LMO7: variants seen among roughly 807,000 people sequenced by gnomAD.
LMO7 encodes the protein LIM domain 7.
In LMO7, 120 loss-of-function variants were observed where a neutral mutation model predicts 206.5. The ratio of observed to expected loss-of-function variants is 0.58; its 90% CI spans 0.50 to 0.68. LMO7 has a LOEUF of 0.68. LMO7 is among the 30% of genes least tolerant of loss of function. LMO7 has a pLI of 0.00. For synonymous variants in LMO7, 706 were observed against 681.5 expected, an observed-to-expected ratio of 1.04 and a Z score of -0.56; for missense variants, 1,959 against 1,957.9, an observed-to-expected ratio of 1.00 and a Z score of -0.01.
rs115573717 is a variant in LMO7 at position 75,833,602 on chromosome 13, A to G, written c.3064+437A>G. Among the ~76,000 whole-genome samples the G allele has an allele frequency of 6.9e-3, 1,058 of 152,260 alleles. 16 individuals are homozygous for G. The highest frequency in any genetic ancestry group is 0.025 in the African/African-American group (1,024 of 41,550). ...TTCAGGGTGCTTCAGGACTTCTGCA[A>G]AAGGATTACCCCTCCCCTGTCCAGG... On this transcript the variant is annotated intron_variant, in intron 16 of 30. Transcript: ENST00000377534.
intron 1 of LMO7, among the ~76,000 whole-genome samples, chr13:75,669,562 T>C (rs9593116): frequency 0.012 from 1,805 of 152,224 alleles, 39 homozygotes; most frequent in African/African-American, 0.041. Context: ...GATTGCATGA[T>C]AGAGGGGAAT....
At chr13:75,800,602 C>A in intron 6 of LMO7, 82 bp from the exon 7 acceptor site, 1 of 1,297,006 alleles carries the variant, frequency 7.7e-7, no homozygotes, top group Non-Finnish European at 1.1e-6. Context: ...TTAAATTAGG[C>A]AAACAAGCAA....
intron 1 of LMO7, among the ~76,000 whole-genome samples, chr13:75,669,972 G>A (rs1334783940): frequency 6.6e-6 from 1 of 152,114 alleles, no homozygotes; most frequent in African/African-American, 2.4e-5. Flanking sequence ...TTACAGCTAT[G>A]CCTGCTTATT....
At chr13:75,622,005 C>A (rs1263623850) in intron 1 of LMO7, 5 of 496,776 alleles carry the variant, frequency 1.0e-5, no homozygotes, top group Non-Finnish European at 1.7e-5. Flanking sequence ...AATACTGCAA[C>A]TGAGATAAAA....
intron 3 of LMO7, among the ~76,000 whole-genome samples, chr13:75,754,461 A>G (rs755998179): frequency 1.3e-5 from 2 of 152,246 alleles, no homozygotes; most frequent in Non-Finnish European, 2.9e-5. Flanking sequence ...ACATGCATGT[A>G]CATGTAATGT....
chr13:75,742,108 A>T (rs1223856653), intron 3 of LMO7, among the ~76,000 whole-genome samples: 1 of 152,180 alleles, frequency 6.6e-6, no homozygotes, highest in Non-Finnish European at 1.5e-5. Context: ...CAAATTAGGA[A>T]CACAGTCCCA....
At chr13:75,629,777 T>C (rs2034671669) in intron 2 of LMO7, among the ~76,000 whole-genome samples, 1 of 152,170 alleles carries the variant, frequency 6.6e-6, no homozygotes, top group Non-Finnish European at 1.5e-5. Flanking sequence ...TGAGCGCTAA[T>C]GAGAGACTTA....
At chr13:75,821,151 G>T (rs979523897) in intron 13 of LMO7, 26 bp from the exon 14 acceptor site, 3 of 1,549,570 alleles carry the variant, frequency 1.9e-6, no homozygotes, top group Non-Finnish European at 2.6e-6. Context: ...TGTCTTTGTG[G>T]TGATGGTGCA....
At chr13:75,755,751 T>C (rs1358654116) in intron 3 of LMO7, among the ~76,000 whole-genome samples, 1 of 152,218 alleles carries the variant, frequency 6.6e-6, no homozygotes, top group East Asian at 1.9e-4. Flanking sequence ...GCTTCCAAAA[T>C]GGTCCCAGTG....
At chr13:75,713,336 G>T in intron 2 of LMO7, 84 bp downstream of exon 2, 1 of 874,322 alleles carries the variant, frequency 1.1e-6, no homozygotes, top group Non-Finnish European at 1.8e-6. Flanking sequence ...CTCCTCCCAT[G>T]GCCACCGTAG....
At chr13:75,805,963 CAT>C in intron 9 of LMO7, 3 of 1,122,426 alleles carry the variant, frequency 2.7e-6, no homozygotes, top group Non-Finnish European at 3.6e-6. Context: ...CTGTTCTATA[CAT>C]AGTCATAGCA....
intron 22 of LMO7, 133 bp from the exon 23 acceptor site, chr13:75,840,976 G>A: frequency 1.6e-6 from 1 of 625,774 alleles, no homozygotes. Context: ...AAATCTGATT[G>A]GCTTATGAAA....
At chr13:75,855,200 A>G (rs578156450) in intron 28 of LMO7, 60 bp from the exon 29 acceptor site, 93 of 984,238 alleles carry the variant, frequency 9.4e-5, no homozygotes, top group Admixed American at 1.7e-4. Context: ...TGTGACTTTT[A>G]AAGAAGAATC....
At chr13:75,737,821 T>A (rs1369284426) in intron 3 of LMO7, among the ~76,000 whole-genome samples, 92 of 25,872 alleles carry the variant, frequency 3.6e-3, no homozygotes, top group African/African-American at 4.4e-3. Flanking sequence ...TTGAAATAAA[T>A]ATAGATTCAC....
chr13:75,759,706 T>C (rs1029621886), intron 3 of LMO7, among the ~76,000 whole-genome samples: 1 of 152,214 alleles, frequency 6.6e-6, no homozygotes, highest in African/African-American at 2.4e-5. Flanking sequence ...CTTTCCTTAG[T>C]AATCAGTGGC....
At chr13:75,783,548 C>T (rs2051900255) in intron 4 of LMO7, among the ~76,000 whole-genome samples, 1 of 152,188 alleles carries the variant, frequency 6.6e-6, no homozygotes, top group South Asian at 2.1e-4. Flanking sequence ...GTCTGGAACT[C>T]CTGACCTCAA....
intron 2 of LMO7, chr13:75,627,315 G>A (rs1228630377): frequency 6.6e-6 from 1 of 152,170 alleles, no homozygotes; most frequent in Non-Finnish European, 1.5e-5. Context: ...TTGCCCAACT[G>A]TAGGCTAATG....
intron 3 of LMO7, 106 bp downstream of exon 3, chr13:75,727,204 T>C (rs995391705): frequency 4.7e-5 from 30 of 640,676 alleles, no homozygotes; most frequent in Non-Finnish European, 6.0e-5. Context: ...AATTAGGTTA[T>C]GGTTTTTTTG....
In LMO7 at chr13:75,760,955, A is replaced by G. The variant is rs750916822; in HGVS notation, c.234A>G (p.Lys78=). 2 of 1,613,472 alleles carry G rather than the reference A, an allele frequency of 1.2e-6. No individual in the cohort carries two copies. The highest frequency in any genetic ancestry group is 2.7e-5 in the African/African-American group (2 of 74,900). ...AGLDNINVFL[K]ACEQIGLKEA... is the part of the protein sequence containing the mutation. ...AGGATAATATAAACGTTTTCTTGAAAGCTTGTGAACAGATTGGATTGAAAG... is the reference window on the plus strand; with the variant it reads ...AGGATAATATAAACGTTTTCTTGAAGGCTTGTGAACAGATTGGATTGAAAG... Residue 78 remains lysine, a synonymous_variant, in exon 4 of 31, where the codon AAA becomes AAG. Transcript: ENST00000377534.
Sources: gnomAD v4.1 joint callset for allele counts (sites outside exome capture counted in the v4.1 genomes callset) on GRCh38, gnomAD v4.1.1 for gene constraint, MANE v1.5 for transcripts, NCBI Gene and HGNC (gene_info 2026-07-23, HGNC 2026-07-21) for gene names.